Variants in UPK3A observed in about 807,000 individuals in gnomAD.
UPK3A encodes uroplakin 3A, also known as uroplakin-3a.
UPK3A carries 32 observed loss-of-function variants against 27.6 expected under a neutral mutation model. The observed-to-expected ratio is 1.16, with a 90% CI of 0.87 to 1.55. UPK3A has a LOEUF of 1.55. Ranked by LOEUF, UPK3A falls within the 40% of genes most tolerant of loss-of-function variation. UPK3A has a pLI of 0.00. For synonymous variants in UPK3A, 171 were observed against 163.9 expected (o/e 1.04, Z -0.33); for missense variants, 370 against 367.9 (o/e 1.01, Z -0.05).
At chr22:45,295,471 A>C in intron 5 of UPK3A, 89 bp from the exon 6 acceptor site, 2 of 1,361,144 alleles carry the variant, frequency 1.5e-6, no homozygotes, top group Non-Finnish European at 2.1e-6. Context: ...TGTGAAAGCT[A>C]TGTCTGAGTA....
intron 5 of UPK3A, among the ~76,000 whole-genome samples, chr22:45,295,355 CA>C (rs2084187916): frequency 6.6e-6 from 1 of 152,094 alleles, no homozygotes; most frequent in South Asian, 2.1e-4. Flanking sequence ...ATAAGTTGTT[CA>C]CATCATTCCA....
intron 1 of UPK3A, among the ~76,000 whole-genome samples, chr22:45,285,662 G>A (rs1445821779): frequency 6.6e-6 from 1 of 152,190 alleles, no homozygotes; most frequent in African/African-American, 2.4e-5. Flanking sequence ...GGACGGAGGA[G>A]GGCTGGGCCG....
At chr22:45,289,573 G>A (rs1163096833) in intron 4 of UPK3A, among the ~76,000 whole-genome samples, 3 of 112,780 alleles carry the variant, frequency 2.7e-5, no homozygotes, top group Non-Finnish European at 5.3e-5. Flanking sequence ...GTGAGACTCC[G>A]TCTCAAAAAA....
chr22:45,285,981 C>A lies in UPK3A; in HGVS notation c.93C>A (p.Ala31=). 4 of 1,614,148 alleles carry A rather than the reference C, an allele frequency of 2.5e-6. No homozygotes were observed. Among genetic ancestry groups the A allele is most frequent in the Non-Finnish European group, 3.4e-6 (4 of 1,180,018 alleles). The change falls in exon 2 of 6, where the codon GCC becomes GCA. Residue 31 remains alanine (A), a synonymous_variant. Coordinates refer to ENST00000216211, the MANE Select transcript of UPK3A (RefSeq NM_006953.4). ...CCCAACTGGCCAGTGTGACTTTCGC[C>A]ACCAACAACCCCACACTTACCACTG... ...LQPQLASVTF[A]TNNPTLTTVA... is the part of the protein sequence containing the mutation.
chr22:45,292,487 G>C (rs913399850), intron 4 of UPK3A, among the ~76,000 whole-genome samples: 1 of 152,216 alleles, frequency 6.6e-6, no homozygotes, highest in African/African-American at 2.4e-5. Flanking sequence ...GCCATCCCCA[G>C]AAGAGTGACA....
At position 45,295,810 on chromosome 22, in the gene UPK3A, G is replaced by A; in HGVS notation, c.*91G>A. 2 of 1,490,604 alleles carry A rather than the reference G, an allele frequency of 1.3e-6. No individual in the cohort carries two copies. Among genetic ancestry groups the A allele is most frequent in the Admixed American group, 1.7e-5 (1 of 57,364 alleles). The allele number at this position is 1,490,604 out of a possible 1,614,324, so 92.3% of individuals were successfully genotyped here. On this transcript the variant is annotated 3_prime_UTR_variant, in exon 6 of 6. Transcript: ENST00000216211. ...GTTGTCACACCCTGACTTCAGGGAA[G>A]GTGAAACAGGGCTTGTCCCTCCAAC...
chr22:45,291,051 C>A (rs2084156899), intron 4 of UPK3A, among the ~76,000 whole-genome samples: 1 of 152,144 alleles, frequency 6.6e-6, no homozygotes, highest in Non-Finnish European at 1.5e-5. Flanking sequence ...ATAAGGTGCA[C>A]AATAACTGCA....
chr22:45,287,038 T>G (rs2084122809), intron 2 of UPK3A, 134 bp from the exon 3 acceptor site: 1 of 1,330,616 alleles, frequency 7.5e-7, no homozygotes, highest in African/African-American at 1.4e-5. Flanking sequence ...AGACTAAGTT[T>G]GCCCCATGCC....
chr22:45,286,930 G>T (rs541094755), intron 2 of UPK3A, among the ~76,000 whole-genome samples: 10 of 152,150 alleles, frequency 6.6e-5, no homozygotes, highest in Non-Finnish European at 1.5e-4. Flanking sequence ...TGGGATGGGG[G>T]GTTGCAGGAA....
At chr22:45,285,796 G>T in intron 1 of UPK3A, 145 bp from the exon 2 acceptor site, 14 of 1,133,026 alleles carry the variant, frequency 1.2e-5, no homozygotes, top group Non-Finnish European at 1.8e-5. Flanking sequence ...TGGGCAGGGG[G>T]CAGTGTCTGA....
At chr22:45,288,341 G>A (rs373501079) in intron 3 of UPK3A, among the ~76,000 whole-genome samples, 11 of 151,918 alleles carry the variant, frequency 7.2e-5, no homozygotes, top group African/African-American at 1.9e-4. Context: ...GACTACAGGC[G>A]CCCCCACCAC....
chr22:45,289,889 C>T (rs1322073923), intron 4 of UPK3A, among the ~76,000 whole-genome samples: 4 of 152,140 alleles, frequency 2.6e-5, no homozygotes, highest in African/African-American at 4.8e-5. Context: ...GGATCAAAGC[C>T]GGCCCATTCC....
Position 45,284,980 on chromosome 22 carries a change from G to A in UPK3A, c.-34G>A, listed in dbSNP as rs370038428. On this transcript the variant is annotated 5_prime_UTR_variant, in exon 1 of 6. Coordinates refer to ENST00000216211, the MANE Select transcript of UPK3A (RefSeq NM_006953.4). The stretch of plus-strand genomic sequence containing the variant: ...GGTGCCCGCGCCTGCTCGCTGGACC[G>A]CCCGCCCCGCGCTCTGGCGGCTCCT... 1 of 1,526,890 alleles carries A rather than the reference G, an allele frequency of 6.5e-7. No homozygotes were observed. Among genetic ancestry groups the A allele is most frequent in the Middle Eastern group, 2.3e-4 (1 of 4,350 alleles). The allele number at this position is 1,526,890 out of a possible 1,614,324, so 94.6% of individuals were successfully genotyped here.
In UPK3A at chr22:45,295,734, C is replaced by A. The variant is rs764697690; in HGVS notation, c.*15C>A. ...TCCAAGACTGAGCCCAGCACCACCC[C>A]TGGGCAGCAGCATCCTCCTCTCTGG... On this transcript the variant is annotated 3_prime_UTR_variant, in exon 6 of 6. Transcript: ENST00000216211. 1.9e-6 allele frequency: 3 copies of A among 1,613,548 alleles called. No homozygotes were observed. In the South Asian group the frequency reaches 3.3e-5, roughly 18 times the overall value.
intron 1 of UPK3A, 93 bp from the exon 2 acceptor site, chr22:45,285,848 G>T: frequency 6.3e-7 from 1 of 1,575,882 alleles, no homozygotes; most frequent in Non-Finnish European, 8.6e-7. Flanking sequence ...GAAGCCCAGG[G>T]CCTGGCACAC....
At chr22:45,285,884 G>C in intron 1 of UPK3A, 57 bp from the exon 2 acceptor site, 1 of 1,611,084 alleles carries the variant, frequency 6.2e-7, no homozygotes, top group Non-Finnish European at 8.5e-7. Context: ...ACTGCAAGCA[G>C]AGTGGGTGTG....
At chr22:45,291,690 C>G (rs368870402) in intron 4 of UPK3A, among the ~76,000 whole-genome samples, 5,962 of 86,566 alleles carry the variant, frequency 0.069, 122 homozygotes, top group Middle Eastern at 0.1. Flanking sequence ...TGTGTGGTGT[C>G]TGGTGTGTGA....
At chr22:45,289,312 C>G (rs149724794) in intron 4 of UPK3A, among the ~76,000 whole-genome samples, 169 bp downstream of exon 4, 1 of 151,986 alleles carries the variant, frequency 6.6e-6, no homozygotes, top group African/African-American at 2.4e-5. Flanking sequence ...TGTGGTGGCT[C>G]ACATCTGTAA....
rs191812934 is a variant in UPK3A at position 45,294,073 on chromosome 22, G to A, written c.704+760G>A. 1.6e-3 allele frequency among the ~76,000 whole-genome samples: 238 copies of A among 152,284 alleles called. 1 individual carries two copies. Among genetic ancestry groups the A allele is most frequent in the African/African-American group, 5.5e-3 (228 of 41,556 alleles). Reference sequence around the variant, plus strand: ...CCGTGGGAATCCAGAGGAGGGCCGGGGGGGTGCTGCCTGGAGCATCAGGGT... The same window carrying A: ...CCGTGGGAATCCAGAGGAGGGCCGGAGGGGTGCTGCCTGGAGCATCAGGGT... On this transcript the variant is annotated intron_variant, in intron 5 of 5. Transcript: ENST00000216211.
Sources: gnomAD v4.1 joint callset for allele counts (sites outside exome capture counted in the v4.1 genomes callset) on GRCh38, gnomAD v4.1.1 for gene constraint, MANE v1.5 for transcripts, NCBI Gene and HGNC (gene_info 2026-07-23, HGNC 2026-07-21) for gene names.